PDE3B: variants seen among roughly 807,000 people sequenced by gnomAD.
PDE3B encodes cGMP-inhibited 3',5'-cyclic phosphodiesterase 3B.
A neutral mutation model predicts 116.8 loss-of-function variants in PDE3B; 66 were observed. The observed-to-expected ratio is 0.56, with a 90% CI of 0.46 to 0.69. The LOEUF (loss-of-function observed/expected upper bound fraction) is 0.69. Ranked by LOEUF, PDE3B falls within the 30% of genes least tolerant of loss-of-function variation. The pLI is 0.00. For synonymous variants in PDE3B, 595 were observed against 533.6 expected (o/e 1.12, Z -1.59); for missense variants, 1,384 against 1,368.1 (o/e 1.01, Z -0.18).
intron 1 of PDE3B, among the ~76,000 whole-genome samples, chr11:14,689,038 G>A (rs1854972044): frequency 6.6e-6 from 1 of 152,128 alleles, no homozygotes; most frequent in Admixed American, 6.5e-5. Context: ...CTCCCAAAGT[G>A]CTGGGATTAC....
intron 12 of PDE3B, 115 bp downstream of exon 12, chr11:14,844,141 A>G: frequency 1.4e-6 from 1 of 712,004 alleles, no homozygotes; most frequent in Non-Finnish European, 2.4e-6. Flanking sequence ...TGACTTTAAT[A>G]CCCTACATTT....
At chr11:14,823,772 C>T (rs946439131) in intron 7 of PDE3B, among the ~76,000 whole-genome samples, 1 of 152,198 alleles carries the variant, frequency 6.6e-6, no homozygotes, top group African/African-American at 2.4e-5. Flanking sequence ...CAGCATACTG[C>T]AGCAGCCCTA....
intron 1 of PDE3B, chr11:14,673,681 GAAGAT>G: frequency 1.4e-6 from 1 of 728,788 alleles, no homozygotes; most frequent in South Asian, 1.4e-5. Context: ...AGGAAATCAT[GAAGAT>G]AATTCAGTAA....
chr11:14,758,116 A>G (rs1857248823), intron 1 of PDE3B, among the ~76,000 whole-genome samples: 1 of 152,036 alleles, frequency 6.6e-6, no homozygotes, highest in South Asian at 2.1e-4. Context: ...ATAGTTGTAG[A>G]TATGTGGCGT....
chr11:14,714,764 G>T (rs1590083009), intron 1 of PDE3B, among the ~76,000 whole-genome samples: 1 of 151,816 alleles, frequency 6.6e-6, no homozygotes, highest in East Asian at 1.9e-4. Flanking sequence ...GCTGAAAAAT[G>T]GAATTTTAAG....
At chr11:14,679,976 A>G (rs1854651194) in intron 1 of PDE3B, among the ~76,000 whole-genome samples, 1 of 152,072 alleles carries the variant, frequency 6.6e-6, no homozygotes, top group Admixed American at 6.5e-5. Context: ...GCCTTATCAA[A>G]TTTTAAGGAT....
chr11:14,813,728 C>G lies in PDE3B; in HGVS notation c.1523-4455C>G, dbSNP rs150511709. 1.1e-4 allele frequency among the ~76,000 whole-genome samples: 16 copies of G among 152,268 alleles called. No individual in the cohort carries two copies. In the East Asian group the frequency reaches 2.9e-3, roughly 28 times the overall value. On this transcript the variant is annotated intron_variant, in intron 5 of 15. Transcript: ENST00000282096. ...GCTTACCACAGCCAATCTTACACAACTCTTTCACTGAAAAGGGAAAGAGGA... is the reference window on the plus strand; with the variant it reads ...GCTTACCACAGCCAATCTTACACAAGTCTTTCACTGAAAAGGGAAAGAGGA...
chr11:14,846,816 A>G (rs1316585083), intron 12 of PDE3B, among the ~76,000 whole-genome samples: 1 of 152,218 alleles, frequency 6.6e-6, no homozygotes, highest in Non-Finnish European at 1.5e-5. Context: ...TGCACCCAAT[A>G]CAGGAGCACC....
At chr11:14,691,734 T>C (rs1407642229) in intron 1 of PDE3B, among the ~76,000 whole-genome samples, 2 of 152,176 alleles carry the variant, frequency 1.3e-5, no homozygotes, top group East Asian at 3.9e-4. Context: ...TATTGTCAGA[T>C]AGTAATGTGT....
At chr11:14,807,049 T>C (rs1374761988) in intron 5 of PDE3B, among the ~76,000 whole-genome samples, 2 of 151,034 alleles carry the variant, frequency 1.3e-5, no homozygotes, top group Non-Finnish European at 2.9e-5. Flanking sequence ...TAAGTGGGAG[T>C]TGAAAAATGA....
chr11:14,880,723 C>T, the PDE3B span: 5 of 1,602,046 alleles, frequency 3.1e-6, no homozygotes, highest in Non-Finnish European at 3.4e-6. Flanking sequence ...TACAGCTAAT[C>T]GTCTGTGATC....
chr11:14,867,886 T>C, intron 15 of PDE3B, 128 bp downstream of exon 15: 1 of 697,098 alleles, frequency 1.4e-6, no homozygotes. Flanking sequence ...TCAAAGGAAA[T>C]ATTCATTGGG....
intron 1 of PDE3B, among the ~76,000 whole-genome samples, chr11:14,757,684 T>C (rs1857234170): frequency 7.6e-6 from 1 of 131,744 alleles, no homozygotes; most frequent in African/African-American, 3.1e-5. Flanking sequence ...TTTGAGTTCA[T>C]TGTAGATTCT....
chr11:14,710,864 T>C (rs1285305003), intron 1 of PDE3B, among the ~76,000 whole-genome samples: 1 of 152,238 alleles, frequency 6.6e-6, no homozygotes, highest in Non-Finnish European at 1.5e-5. Flanking sequence ...TTAAGTTGGA[T>C]TTCTGTCACT....
intron 13 of PDE3B, among the ~76,000 whole-genome samples, chr11:14,860,607 A>G (rs1555006977): frequency 2.6e-5 from 4 of 152,138 alleles, no homozygotes; most frequent in Non-Finnish European, 5.9e-5. Context: ...GATTGGTACT[A>G]CTTTTCCTAC....
intron 1 of PDE3B, among the ~76,000 whole-genome samples, chr11:14,723,533 C>A (rs202180538): frequency 6.6e-6 from 1 of 151,948 alleles, no homozygotes; most frequent in Non-Finnish European, 1.5e-5. Context: ...GTGGGAGGAT[C>A]GCCTGAGGCC....
chr11:14,888,141 C>T, the PDE3B span, among the ~76,000 whole-genome samples: 1 of 152,154 alleles, frequency 6.6e-6, no homozygotes, highest in African/African-American at 2.4e-5. Context: ...GACCCACTAA[C>T]ATTCTCCATT....
chr11:14,732,397 A>T (rs556017034), intron 1 of PDE3B, among the ~76,000 whole-genome samples: 1 of 152,220 alleles, frequency 6.6e-6, no homozygotes, highest in African/African-American at 2.4e-5. Flanking sequence ...GAGCAACTAT[A>T]GTTTAATGAG....
intron 2 of PDE3B, among the ~76,000 whole-genome samples, chr11:14,779,077 T>C (rs1401486197): frequency 2.6e-5 from 4 of 152,004 alleles, no homozygotes; most frequent in East Asian, 1.9e-4. Context: ...GTGTCAGTGA[T>C]TGAAGATCAG....
Sources: allele counts gnomAD v4.1 joint callset (sites outside exome capture counted in the v4.1 genomes callset), GRCh38; gene constraint gnomAD v4.1.1; transcripts MANE v1.5; gene names NCBI Gene and HGNC (gene_info 2026-07-23, HGNC 2026-07-21).